Variants in DYSF observed in about 807,000 individuals in gnomAD.
DYSF encodes dysferlin.
DYSF carries 212 observed loss-of-function variants against 274.9 expected under a neutral mutation model. The observed-to-expected ratio is 0.77, with a 90% CI of 0.69 to 0.86. The LOEUF is 0.86. DYSF is among the 40% of genes least tolerant of loss of function. DYSF has a pLI of 0.00. For synonymous variants in DYSF, 1,091 were observed against 1,078.7 expected (o/e 1.01, Z -0.22); for missense variants, 2,666 against 2,783.2 (o/e 0.96, Z 0.95).
intron 1 of DYSF, among the ~76,000 whole-genome samples, chr2:71,460,470 G>A (rs2152631007): frequency 6.6e-6 from 1 of 152,316 alleles, no homozygotes; most frequent in East Asian, 1.9e-4. Context: ...TTCTGTGGAT[G>A]AAGGGGAGAA....
chr2:71,646,159 G>A (rs1401459222), intron 42 of DYSF, among the ~76,000 whole-genome samples: 1 of 152,212 alleles, frequency 6.6e-6, no homozygotes, highest in African/African-American at 2.4e-5. Context: ...TCCTCGACTT[G>A]GTAGTTGGGT....
At chr2:71,680,860 G>A (rs2095287171) in intron 53 of DYSF, 141 bp from the exon 54 acceptor site, 1 of 717,734 alleles carries the variant, frequency 1.4e-6, no homozygotes, top group Admixed American at 2.3e-5. Context: ...ACAAAGAGCA[G>A]GTGCTGCTTT....
chr2:71,502,554 C>T (rs114528689), intron 3 of DYSF, among the ~76,000 whole-genome samples: 2,387 of 152,240 alleles, frequency 0.016, 62 homozygotes, highest in African/African-American at 0.054. Context: ...TTGAAGGGAG[C>T]ATGTGCCAAC....
chr2:71,619,736 A>G (rs1400192021), intron 40 of DYSF, among the ~76,000 whole-genome samples: 1 of 152,052 alleles, frequency 6.6e-6, no homozygotes, highest in Non-Finnish European at 1.5e-5. Context: ...TCTGCCTAGC[A>G]TGCGTCTTCT....
At chr2:71,607,426 A>G (rs1430194715) in intron 36 of DYSF, among the ~76,000 whole-genome samples, 2 of 152,200 alleles carry the variant, frequency 1.3e-5, no homozygotes, top group Non-Finnish European at 2.9e-5. Flanking sequence ...GGAAGATTAG[A>G]GGTCTTGTGG....
intron 1 of DYSF, among the ~76,000 whole-genome samples, chr2:71,473,679 C>G (rs2082194295): frequency 6.6e-6 from 1 of 152,212 alleles, no homozygotes; most frequent in Admixed American, 6.5e-5. Context: ...GGCCCACCAC[C>G]TGTGTCCATT....
intron 30 of DYSF, among the ~76,000 whole-genome samples, chr2:71,575,875 G>A (rs1008643155): frequency 3.9e-5 from 6 of 152,194 alleles, no homozygotes; most frequent in East Asian, 3.9e-4. Context: ...CCCAGGACTC[G>A]CACCCCTGTC....
chr2:71,478,212 A>AT (rs61626723), intron 1 of DYSF, among the ~76,000 whole-genome samples: 5,852 of 140,898 alleles, frequency 0.042, 149 homozygotes, highest in South Asian at 0.079. Context: ...ATCCTCAATA[A>AT]TTTTTTTTTT....
At chr2:71,612,547 T>C in intron 38 of DYSF, 94 bp from the exon 39 acceptor site, 7 of 1,561,508 alleles carry the variant, frequency 4.5e-6, no homozygotes, top group Non-Finnish European at 6.1e-6. Flanking sequence ...GTGGGGATTA[T>C]CTGCGGTTTA....
At chr2:71,538,321 G>A (rs1286773614) in intron 16 of DYSF, among the ~76,000 whole-genome samples, 2 of 152,198 alleles carry the variant, frequency 1.3e-5, no homozygotes, top group African/African-American at 4.8e-5. Flanking sequence ...GGTCTGCATA[G>A]GATGTGGTTG....
intron 1 of DYSF, among the ~76,000 whole-genome samples, chr2:71,479,046 C>T (rs999881052): frequency 6.6e-6 from 1 of 151,818 alleles, no homozygotes; most frequent in Non-Finnish European, 1.5e-5. Context: ...GCCAGAGGCT[C>T]GAGGGACTTT....
chr2:71,485,595 A>T (rs1263018200), intron 3 of DYSF, among the ~76,000 whole-genome samples: 2 of 152,198 alleles, frequency 1.3e-5, no homozygotes, highest in Non-Finnish European at 1.5e-5. Context: ...GAGGGAGCAC[A>T]GGTACCTGCA....
At chr2:71,636,297 G>C (rs767828104) in intron 41 of DYSF, among the ~76,000 whole-genome samples, 1 of 152,202 alleles carries the variant, frequency 6.6e-6, no homozygotes, top group Non-Finnish European at 1.5e-5. Context: ...GATTCAGGGA[G>C]CAGGACGGCA....
chr2:71,513,439 C>A, intron 6 of DYSF, 107 bp downstream of exon 6: 1 of 1,222,844 alleles, frequency 8.2e-7, no homozygotes, highest in Non-Finnish European at 1.2e-6. Flanking sequence ...GAGGACTCCT[C>A]CTGCAGGACT....
chr2:71,551,232 GGTCTTCCAGCCCCT>G, intron 18 of DYSF, 76 bp downstream of exon 18: 1 of 1,491,974 alleles, frequency 6.7e-7, no homozygotes, highest in Non-Finnish European at 9.3e-7. Context: ...CTGCATGCAG[GGTCTTCCAGCCCCT>G]CCTGGGGGCC....
intron 40 of DYSF, among the ~76,000 whole-genome samples, chr2:71,617,573 AGGT>A (rs1295526153): frequency 2.0e-5 from 3 of 151,066 alleles, no homozygotes; most frequent in South Asian, 2.1e-4. Context: ...TATGTGGTAG[AGGT>A]GGTGTGTGTG....
At chr2:71,547,046 G>A (rs747849430) in intron 17 of DYSF, among the ~76,000 whole-genome samples, 44 of 152,348 alleles carry the variant, frequency 2.9e-4, no homozygotes, top group Admixed American at 5.9e-4. Context: ...TCTGTGTTTT[G>A]GGCTTCCACA....
upstream of DYSF, among the ~76,000 whole-genome samples, chr2:71,466,476 G>A (rs905742541): frequency 4.6e-5 from 7 of 152,178 alleles, no homozygotes; most frequent in African/African-American, 1.7e-4. Flanking sequence ...GGCGCCTTGT[G>A]CGCTCTCGGA....
At chr2:71,607,951 G>A (rs1022965497) in intron 36 of DYSF, among the ~76,000 whole-genome samples, 2 of 152,162 alleles carry the variant, frequency 1.3e-5, no homozygotes, top group African/African-American at 4.8e-5. Context: ...GCAGATCAGG[G>A]CTTGGTGGAG....
Sources: gnomAD v4.1 joint callset for allele counts (sites outside exome capture counted in the v4.1 genomes callset) on GRCh38, gnomAD v4.1.1 for gene constraint, MANE v1.5 for transcripts, NCBI Gene and HGNC (gene_info 2026-07-23, HGNC 2026-07-21) for gene names.